CFAP46: variants seen among roughly 807,000 people sequenced by gnomAD.
CFAP46 encodes cilia and flagella associated protein 46.
A neutral mutation model predicts 325.7 loss-of-function variants in CFAP46; 245 were observed. The observed-to-expected ratio is 0.75, with a 90% CI of 0.68 to 0.84. The LOEUF is 0.84. Among genes scored for constraint, CFAP46 ranks in the 40% least tolerant of loss-of-function variants. The pLI, the probability that CFAP46 is intolerant of heterozygous loss-of-function variation, is 0.00. For missense variants in CFAP46, 3,346 were observed against 3,543.0 expected (o/e 0.94, Z 1.41); for synonymous variants, 1,523 against 1,495.9 (o/e 1.02, Z -0.42).
At chr10:132,858,299 AGGGAGGT>A in intron 38 of CFAP46, among the ~76,000 whole-genome samples, 1 of 93,774 alleles carries the variant, frequency 1.1e-5, no homozygotes, top group Admixed American at 1.3e-4. Flanking sequence ...GGTTGGGGGC[AGGGAGGT>A]GGGCGGGGCC....
rs2892211 is a variant in CFAP46, at chr10:132,847,447, A to C, written c.5953-126T>G. The stretch of plus-strand genomic sequence containing the variant: ...AGGGTCCCCGGGTAGGGGGTACCGC[A>C]GGCCACAGCATGGCCTCTCACTATC... On this transcript the variant is annotated intron_variant, in intron 41 of 57. Transcript: ENST00000368586. The surrounding 1 kb of genome is among the most constrained non-coding windows in gnomAD (Gnocchi z 5.2). 0.41 allele frequency: 465,253 copies of C among 1,131,260 alleles called. 98,623 individuals are homozygous for C. Among genetic ancestry groups the C allele is most frequent in the Admixed American group, 0.58 (28,874 of 49,484 alleles). The allele number at this position is 1,131,260 out of a possible 1,614,324, so 70.1% of individuals were successfully genotyped here. A position where few individuals can be genotyped will look rare whatever the true frequency, so the allele number is the denominator to read the frequency against.
intron 32 of CFAP46, among the ~76,000 whole-genome samples, chr10:132,871,093 G>A (rs189803524): frequency 3.4e-4 from 52 of 152,316 alleles, no homozygotes; most frequent in Middle Eastern, 6.8e-3. Context: ...CCTGTGCTCC[G>A]TAAGTGTACA....
In CFAP46 at chr10:132,939,549, G is replaced by A. The variant is rs1177008959; in HGVS notation, c.372-796C>T. On this transcript the variant is annotated intron_variant, in intron 4 of 57. Coordinates refer to ENST00000368586, the MANE Select transcript of CFAP46 (RefSeq NM_001200049.3). This position sits in a 1 kb window ranked among gnomAD's most constrained non-coding sequence, Gnocchi z 4.6. ...TGGACCAGCACTGCTCAATGCCCAG[G>A]TGGGAGGAGGACACCAGGGTGGCTG... 1.3e-5 allele frequency among the ~76,000 whole-genome samples: 2 copies of A among 152,202 alleles called. No homozygotes were observed. Among genetic ancestry groups the A allele is most frequent in the South Asian group, 4.1e-4 (2 of 4,834 alleles).
At position 132,817,395 on chromosome 10, in the gene CFAP46, C is replaced by T. The variant is rs919338772; in HGVS notation, c.7118-2481G>A. ...GGCATGCGGCTGGCACCTCTTATCT[C>T]CTGTGTCTTCTCACTGGCAGGGTTG... On this transcript the variant is annotated intron_variant, in intron 50 of 57. Coordinates refer to ENST00000368586, the MANE Select transcript of CFAP46 (RefSeq NM_001200049.3). The surrounding 1 kb of genome is among the most constrained non-coding windows in gnomAD (Gnocchi z 4.4). Among the ~76,000 whole-genome samples the T allele has an allele frequency of 6.6e-6, 1 of 152,222 alleles. No homozygotes were observed. Among genetic ancestry groups the T allele is most frequent in the African/African-American group, 2.4e-5 (1 of 41,444 alleles).
chr10:132,879,576 C>T lies in CFAP46; in HGVS notation c.3855G>A (p.Glu1285=), dbSNP rs1267822106. 7.8e-6 allele frequency: 12 copies of T among 1,546,852 alleles called. No homozygotes were observed. Among genetic ancestry groups the T allele is most frequent in the Non-Finnish European group, 9.6e-6 (11 of 1,145,728 alleles). Residue 1285 remains glutamate (E), a synonymous_variant, in exon 29 of 58, where the codon GAG becomes GAA. Transcript: ENST00000368586. ...TACGCAGCTGCTCCAAGGACACCGCCTCCTCGGCCTCGGACACGGGGCTCC... is the reference window on the plus strand; with the variant it reads ...TACGCAGCTGCTCCAAGGACACCGCTTCCTCGGCCTCGGACACGGGGCTCC... The part of the protein sequence containing the change: ...PPRSPVSEAE[E]AVSLEQLRSV...
intron 27 of CFAP46, among the ~76,000 whole-genome samples, chr10:132,882,778 A>C (rs1393187227): frequency 6.6e-6 from 1 of 151,888 alleles, no homozygotes; most frequent in Admixed American, 6.6e-5. Flanking sequence ...GGGGCTTGGG[A>C]GCCACGTGAA....
At chr10:132,822,423 G>GGTGATGTGTGCTGTGTGTGCA (rs1472996338) in intron 50 of CFAP46, among the ~76,000 whole-genome samples, 2 of 142,724 alleles carry the variant, frequency 1.4e-5, no homozygotes, top group African/African-American at 2.6e-5. Context: ...CTGTGTGTGT[G>GGTGATGTGTGCTGTGTGTGCA]GTGATGTGTG....
intron 44 of CFAP46, among the ~76,000 whole-genome samples, chr10:132,841,407 G>C (rs2135061506): frequency 6.6e-6 from 1 of 152,356 alleles, no homozygotes; most frequent in South Asian, 2.1e-4. Context: ...CAGGGGCTGG[G>C]GGTTGGGCCT....
Position 132,899,669 on chromosome 10 carries a change from G to A in CFAP46, c.2925-3C>T, listed in dbSNP as rs755923437. ...CTGCCACCAGCCGGGACTCCTCGCT[G>A]CAGGAACAGGGCCAGTGAGGAGGGA... On this transcript the variant is annotated splice_region_variant and splice_polypyrimidine_tract_variant and intron_variant, in intron 22 of 57. Transcript: ENST00000368586. 2.8e-5 allele frequency: 43 copies of A among 1,547,422 alleles called. 1 individual carries two copies. In the Middle Eastern group the frequency reaches 5.4e-3, roughly 193 times the overall value.
intron 35 of CFAP46, among the ~76,000 whole-genome samples, chr10:132,863,090 C>T (rs1848746952): frequency 2.0e-5 from 3 of 152,128 alleles, no homozygotes; most frequent in Admixed American, 1.3e-4. Flanking sequence ...GTCCAGCACC[C>T]ATCACGTCTG....
At chr10:132,846,280 C>G (rs373530938) in intron 43 of CFAP46, 53 bp from the exon 44 acceptor site, 3 of 1,576,416 alleles carry the variant, frequency 1.9e-6, no homozygotes, top group Non-Finnish European at 2.6e-6. Flanking sequence ...GGCGGGGAGG[C>G]CTTGCACCCT....
chr10:132,916,503 C>T, intron 17 of CFAP46, 46 bp downstream of exon 17: 1 of 1,522,492 alleles, frequency 6.6e-7, no homozygotes, highest in South Asian at 1.2e-5. Context: ...GACACTCTGA[C>T]CCACGGCCCC....
Position 132,922,749 on chromosome 10 carries a change from C to T in CFAP46, c.1257-41G>A, listed in dbSNP as rs752084023. 11 of 1,481,562 alleles carry T rather than the reference C, an allele frequency of 7.4e-6. No homozygotes were observed. The East Asian group carries it at 9.9e-5, about 13-fold the overall frequency. 91.8% of individuals were successfully genotyped at this position (1,481,562 alleles called of 1,614,324 possible). A position where few individuals can be genotyped will look rare whatever the true frequency, so the allele number is the denominator to read the frequency against. On this transcript the variant is annotated intron_variant, in intron 11 of 57. Transcript: ENST00000368586. ...GGCATCAGGGGCCCTGGCGGCGCTG[C>T]GCCTCTGTCAGGCTGGGGTCACACC... is the stretch of plus-strand genomic sequence containing the variant.
Position 132,808,511 on chromosome 10 carries a change from G to A in CFAP46, c.8058C>T (p.Gly2686=), listed in dbSNP as rs753028561. The stretch of plus-strand genomic sequence containing the variant: ...CCAAGGGGAGGCCGCCCTTGTCCTG[G>A]CCCCGGGAAGAGACGCAGCTCCAGC... ...RRGWSCVSSR[G]QDKGGLPLAA... is the part of the protein sequence containing the mutation. Residue 2686 remains glycine (G), a synonymous_variant, in exon 58 of 58, where the codon GGC becomes GGT. Coordinates refer to ENST00000368586, the MANE Select transcript of CFAP46 (RefSeq NM_001200049.3). This position sits in a 1 kb window ranked among gnomAD's most constrained non-coding sequence, Gnocchi z 6.8. 1 of 1,613,196 alleles carries A rather than the reference G, an allele frequency of 6.2e-7. No homozygotes were observed.
intron 24 of CFAP46, among the ~76,000 whole-genome samples, chr10:132,895,161 C>T (rs150965778): frequency 1.3e-5 from 2 of 152,298 alleles, no homozygotes; most frequent in East Asian, 3.9e-4. Flanking sequence ...GTGTGCAGAT[C>T]AGTCAGCGTG....
intron 50 of CFAP46, among the ~76,000 whole-genome samples, chr10:132,830,887 G>A (rs1327912920): frequency 6.6e-6 from 1 of 152,146 alleles, no homozygotes; most frequent in African/African-American, 2.4e-5. Context: ...TTGCTTTGCA[G>A]CCTTTTCTTC....
In CFAP46 at chr10:132,832,645, G is replaced by T; in HGVS notation, c.7117+713C>A. On this transcript the variant is annotated intron_variant, in intron 50 of 57. Coordinates refer to ENST00000368586, the MANE Select transcript of CFAP46 (RefSeq NM_001200049.3). This position sits in a 1 kb window ranked among gnomAD's most constrained non-coding sequence, Gnocchi z 4.1. ...TTTATTTTTAATTTTATTTGATACCGAAGTGCAGAAAACTGCACGTACCGC... is the reference window on the plus strand; with the variant it reads ...TTTATTTTTAATTTTATTTGATACCTAAGTGCAGAAAACTGCACGTACCGC... The T allele has an allele frequency of 2.6e-6, 1 of 381,484 alleles. No homozygotes were observed. Among genetic ancestry groups the T allele is most frequent in the South Asian group, 1.8e-5 (1 of 54,726 alleles). The allele number at this position is 381,484 out of a possible 1,614,324, so 23.6% of individuals were successfully genotyped here.
At position 132,941,685 on chromosome 10, in the gene CFAP46, A is replaced by T; in HGVS notation, c.212T>A (p.Met71Lys). ...GATGGGCGCCTTCACCTTGAAGTAC[A>T]TTTGGATGCAGTCCTCGCTCACCTC... is the stretch of plus-strand genomic sequence containing the variant. ...QPEVSEDCIQ[M>K]YFKVKAPITQ... Residue 71 changes from methionine (M) to lysine (K), a missense_variant, in exon 3 of 58, where the codon ATG becomes AAG. Transcript: ENST00000368586. 2 of 1,614,014 alleles carry T rather than the reference A, an allele frequency of 1.2e-6. No homozygotes were observed. The highest frequency in any genetic ancestry group is 1.7e-6 in the Non-Finnish European group (2 of 1,180,026).
chr10:132,833,705 C>T (rs573421582), intron 49 of CFAP46, among the ~76,000 whole-genome samples, 180 bp from the exon 50 acceptor site: 3 of 152,358 alleles, frequency 2.0e-5, no homozygotes, highest in East Asian at 1.9e-4. Flanking sequence ...CCTCCCATCA[C>T]GCCTGTCCCT....
Sources: gnomAD v4.1 joint callset for allele counts (sites outside exome capture counted in the v4.1 genomes callset) on GRCh38, gnomAD v4.1.1 for gene constraint, Gnocchi (gnomAD v3.1) non-coding constraint, MANE v1.5 for transcripts, NCBI Gene and HGNC (gene_info 2026-07-23, HGNC 2026-07-21) for gene names.